ELFN2: variants seen among roughly 807,000 people sequenced by gnomAD.
The protein encoded by ELFN2 is extracellular leucine rich repeat and fibronectin type III domain containing 2.
Under a neutral mutation model 45.5 loss-of-function variants are expected in ELFN2, and 17 were observed. The ratio of observed to expected loss-of-function variants is 0.37; its 90% confidence interval spans 0.26 to 0.56. The LOEUF (loss-of-function observed/expected upper bound fraction) is 0.56, where lower values mean the gene tolerates loss of function less well. ELFN2 is among the 20% of genes least tolerant of loss of function. ELFN2 has a pLI of 0.77. For missense variants in ELFN2, 922 were observed against 1,183.2 expected (o/e 0.78, Z 3.24); for synonymous variants, 550 against 551.5 (o/e 1.00, Z 0.04).
chr22:37,409,220 C>T (rs770285019), intron 2 of ELFN2, among the ~76,000 whole-genome samples: 3 of 152,198 alleles, frequency 2.0e-5, no homozygotes, highest in East Asian at 3.9e-4. Context: ...CTCGCCTACC[C>T]GGCCCCACCC....
downstream of ELFN2, among the ~76,000 whole-genome samples, chr22:37,365,585 T>C (rs1931185078): frequency 6.6e-6 from 1 of 152,328 alleles, no homozygotes; most frequent in East Asian, 1.9e-4. Context: ...GAAGAACTTA[T>C]ATACCAGCAG....
intron 2 of ELFN2, among the ~76,000 whole-genome samples, chr22:37,402,066 CTG>C (rs564386806): frequency 3.0e-4 from 45 of 152,322 alleles, no homozygotes; most frequent in African/African-American, 1.1e-3. Context: ...CTTAACCTCT[CTG>C]TGGTTTAATT....
intron 2 of ELFN2, among the ~76,000 whole-genome samples, chr22:37,380,348 T>C (rs539727189): frequency 1.3e-5 from 2 of 152,028 alleles, no homozygotes; most frequent in South Asian, 4.2e-4. Context: ...TTTCTCCCCG[T>C]GTGGCAAGGT....
chr22:37,375,448 G>A lies in ELFN2; in HGVS notation c.87C>T (p.Gly29=), dbSNP rs776279496. 5.6e-6 allele frequency: 9 copies of A among 1,612,548 alleles called. No individual in the cohort carries two copies. The East Asian group carries it at 6.7e-5, about 12-fold the overall frequency. ...AVRADCWLIE[G]DKGYVWLAIC... ...TGGCCAGCCACACGTAGCCCTTGTCGCCCTCAATGAGCCAGCAGTCGGCAC... is the reference window on the plus strand; with the variant it reads ...TGGCCAGCCACACGTAGCCCTTGTCACCCTCAATGAGCCAGCAGTCGGCAC... The change falls in exon 3 of 3, where the codon GGC becomes GGT. Residue 29 remains glycine (G), a synonymous_variant. Transcript: ENST00000402918.
intron 2 of ELFN2, among the ~76,000 whole-genome samples, chr22:37,397,566 A>T (rs191872549): frequency 2.0e-5 from 3 of 152,296 alleles, no homozygotes; most frequent in Admixed American, 2.0e-4. Flanking sequence ...GGGAACGTGG[A>T]CAGAGCCCCT....
intron 1 of ELFN2, among the ~76,000 whole-genome samples, chr22:37,360,369 A>G (rs1193813287): frequency 1.3e-5 from 2 of 152,208 alleles, no homozygotes; most frequent in African/African-American, 4.8e-5. Flanking sequence ...CACGGAGGGT[A>G]AAAGTAAGTA....
intron 2 of ELFN2, among the ~76,000 whole-genome samples, chr22:37,407,408 C>T (rs1182007327): frequency 6.6e-6 from 1 of 152,180 alleles, no homozygotes; most frequent in East Asian, 1.9e-4. Flanking sequence ...CATTCGTGAA[C>T]AAGACAGACA....
chr22:37,424,814 G>A (rs543975168), intron 1 of ELFN2, among the ~76,000 whole-genome samples: 1 of 152,268 alleles, frequency 6.6e-6, no homozygotes, highest in South Asian at 2.1e-4. Flanking sequence ...TCCAAGGAAA[G>A]AAAAGAAAGT....
chr22:37,346,044 G>A (rs546493743), intron 1 of ELFN2, among the ~76,000 whole-genome samples: 22 of 152,238 alleles, frequency 1.4e-4, no homozygotes, highest in African/African-American at 5.3e-4. Context: ...AACCTCTCTG[G>A]GCCACAGATG....
intron 2 of ELFN2, among the ~76,000 whole-genome samples, chr22:37,405,637 G>T (rs1004743274): frequency 3.9e-5 from 6 of 152,166 alleles, no homozygotes; most frequent in African/African-American, 1.4e-4. Context: ...CCTCAACCTA[G>T]CATCCAGGAC....
intron 1 of ELFN2, among the ~76,000 whole-genome samples, chr22:37,351,603 A>C (rs1319885215): frequency 1.4e-5 from 2 of 147,452 alleles, no homozygotes; most frequent in Admixed American, 1.3e-4. Context: ...TCGACTTCTG[A>C]CCATCCCAAA....
At chr22:37,346,892 G>A (rs910368627) in intron 1 of ELFN2, among the ~76,000 whole-genome samples, 1 of 152,090 alleles carries the variant, frequency 6.6e-6, no homozygotes. Flanking sequence ...TGCAGAGACA[G>A]GGCGTGGCTG....
At chr22:37,407,869 T>G (rs1932545197) in intron 2 of ELFN2, among the ~76,000 whole-genome samples, 1 of 150,444 alleles carries the variant, frequency 6.6e-6, no homozygotes, top group African/African-American at 2.5e-5. Flanking sequence ...CACTCCAGCC[T>G]GGGGGACAGA....
In ELFN2 at chr22:37,419,454, G is replaced by GAGAC. The variant is rs528212371; in HGVS notation, c.-613-1539_-613-1536dup. 7.7e-4 allele frequency among the ~76,000 whole-genome samples: 117 copies of GAGAC among 152,098 alleles called. 1 individual carries two copies. The highest frequency in any genetic ancestry group is 2.7e-3 in the African/African-American group (110 of 41,470). On this transcript the variant is annotated intron_variant, in intron 1 of 2. Transcript: ENST00000402918. ...ACAGACCCAGAGACTCGTGGGCCTA[G>GAGAC]AGACCAAGGTGCACTGCACACAGCT...
intron 2 of ELFN2, among the ~76,000 whole-genome samples, chr22:37,405,138 G>A (rs922204214): frequency 1.1e-4 from 16 of 139,334 alleles, no homozygotes; most frequent in Non-Finnish European, 2.1e-4. Context: ...TCTTGCCCAG[G>A]CTGGAGTGCA....
chr22:37,381,025 G>A (rs1049030755), intron 2 of ELFN2, among the ~76,000 whole-genome samples: 4 of 152,146 alleles, frequency 2.6e-5, no homozygotes, highest in Admixed American at 1.3e-4. Context: ...TAGATGGTGC[G>A]GGGAAGGGTC....
At position 37,375,367 on chromosome 22, in the gene ELFN2, G is replaced by A. The variant is rs752044484; in HGVS notation, c.168C>T (p.Thr56=). 5.9e-5 allele frequency: 95 copies of A among 1,614,084 alleles called. No individual in the cohort carries two copies. Among genetic ancestry groups the A allele is most frequent in the East Asian group, 2.9e-4 (13 of 44,892 alleles). Reference sequence around the variant, plus strand: ...TCTCGTTGAGCCGCAGGTCGTGCACGGTGCTATTGATGTGCTGCGGGATGG... The same window carrying A: ...TCTCGTTGAGCCGCAGGTCGTGCACAGTGCTATTGATGTGCTGCGGGATGG... ...YETIPQHINS[T]VHDLRLNENK... The change falls in exon 3 of 3, where the codon ACC becomes ACT. Residue 56 remains threonine, a synonymous_variant. Transcript: ENST00000402918.
At chr22:37,420,006 G>A (rs1341241397) in intron 1 of ELFN2, among the ~76,000 whole-genome samples, 1 of 152,190 alleles carries the variant, frequency 6.6e-6, no homozygotes, top group Non-Finnish European at 1.5e-5. Flanking sequence ...GTCAGGGGCT[G>A]CGGCTGCAAA....
chr22:37,403,061 G>C (rs5756669), intron 2 of ELFN2, among the ~76,000 whole-genome samples: 76,187 of 151,740 alleles, frequency 0.5, 19,925 homozygotes, highest in African/African-American at 0.65. Flanking sequence ...AGCCATAGCC[G>C]CAGCCTATCC....
Sources: allele counts gnomAD v4.1 joint callset (sites outside exome capture counted in the v4.1 genomes callset), GRCh38; gene constraint gnomAD v4.1.1; transcripts MANE v1.5; gene names NCBI Gene and HGNC (gene_info 2026-07-23, HGNC 2026-07-21).